Variants in FAM117B observed in about 807,000 individuals in gnomAD.
The protein encoded by FAM117B is family with sequence similarity 117 member B.
Under a neutral mutation model 52.8 loss-of-function variants are expected in FAM117B, and 22 were observed. That is an observed-to-expected ratio of 0.42 (90% CI 0.30 to 0.59). The LOEUF (loss-of-function observed/expected upper bound fraction) is 0.59. FAM117B is among the 20% of genes least tolerant of loss of function. FAM117B has a pLI of 0.22. For missense variants in FAM117B, 678 were observed against 802.6 expected, an observed-to-expected ratio of 0.84 and a Z score of 1.88; for synonymous variants, 309 against 324.1, an observed-to-expected ratio of 0.95 and a Z score of 0.50.
intron 2 of FAM117B, among the ~76,000 whole-genome samples, chr2:202,696,582 A>T (rs978462528): frequency 3.9e-5 from 6 of 152,214 alleles, no homozygotes; most frequent in Non-Finnish European, 8.8e-5. Flanking sequence ...GGTCTTAAAA[A>T]TTTGTAACAG....
chr2:202,735,036 A>AT (rs1691418271), intron 4 of FAM117B, among the ~76,000 whole-genome samples: 1 of 151,962 alleles, frequency 6.6e-6, no homozygotes, highest in Admixed American at 6.6e-5. Context: ...TGCATTCCTC[A>AT]TTGAGAGCAT....
At chr2:202,642,076 G>C (rs186073496) in intron 1 of FAM117B, among the ~76,000 whole-genome samples, 1 of 150,206 alleles carries the variant, frequency 6.7e-6, no homozygotes, top group Non-Finnish European at 1.5e-5. Context: ...CTGAGTAGCT[G>C]GACTACAGCC....
rs143686329 is a variant in FAM117B, at chr2:202,673,974, T to C, written c.602-21907T>C. On this transcript the variant is annotated intron_variant, in intron 1 of 7. Transcript: ENST00000392238. ...CCGCATAGCAATCTAGTGAGGCAGC[T>C]TCTTTTCAAACTTCTCTTTCTTTTC... Among the ~76,000 whole-genome samples the C allele has an allele frequency of 4.6e-3, 707 of 152,266 alleles. 6 individuals carry two copies. The highest frequency in any genetic ancestry group is 0.016 in the African/African-American group (672 of 41,536).
At chr2:202,666,988 T>C (rs1346233185) in intron 1 of FAM117B, among the ~76,000 whole-genome samples, 1 of 151,676 alleles carries the variant, frequency 6.6e-6, no homozygotes, top group Non-Finnish European at 1.5e-5. Context: ...CGAAAATCTG[T>C]GTTGTAGCAG....
intron 1 of FAM117B, among the ~76,000 whole-genome samples, chr2:202,657,402 T>TA (rs1382882178): frequency 6.6e-6 from 1 of 152,224 alleles, no homozygotes; most frequent in Non-Finnish European, 1.5e-5. Context: ...TTGTGTTTTT[T>TA]AAATCTAGTC....
At chr2:202,725,264 A>T (rs1663791677) in intron 3 of FAM117B, 5 of 274,992 alleles carry the variant, frequency 1.8e-5, no homozygotes, top group Non-Finnish European at 2.7e-5. Flanking sequence ...CATCAGATTT[A>T]AAAATTGTAA....
chr2:202,673,440 T>G (rs1057115164), intron 1 of FAM117B, among the ~76,000 whole-genome samples: 1 of 113,202 alleles, frequency 8.8e-6, no homozygotes, highest in African/African-American at 3.6e-5. Flanking sequence ...TCTGTTTTTT[T>G]TTTTTTTTTT....
intron 4 of FAM117B, among the ~76,000 whole-genome samples, chr2:202,737,762 C>T (rs1691464607): frequency 1.3e-5 from 2 of 152,028 alleles, no homozygotes; most frequent in African/African-American, 4.8e-5. Context: ...CCACCACGCC[C>T]AGCTAATTTT....
intron 1 of FAM117B, among the ~76,000 whole-genome samples, chr2:202,689,853 G>T (rs1469048513): frequency 6.6e-6 from 1 of 152,004 alleles, no homozygotes; most frequent in African/African-American, 2.4e-5. Context: ...AGGATGGTGA[G>T]GCTGCTGTGA....
chr2:202,650,517 A>G (rs1429071561), intron 1 of FAM117B, among the ~76,000 whole-genome samples: 1 of 152,290 alleles, frequency 6.6e-6, no homozygotes, highest in East Asian at 1.9e-4. Flanking sequence ...GGATAGATGT[A>G]TATATAAAGG....
At chr2:202,703,079 A>G (rs965525789) in intron 2 of FAM117B, among the ~76,000 whole-genome samples, 2 of 152,206 alleles carry the variant, frequency 1.3e-5, no homozygotes, top group Non-Finnish European at 2.9e-5. Context: ...ATTTAGTGGC[A>G]TTAATTACAT....
chr2:202,655,101 A>C (rs1246618484), intron 1 of FAM117B, among the ~76,000 whole-genome samples: 1 of 152,158 alleles, frequency 6.6e-6, no homozygotes, highest in African/African-American at 2.4e-5. Context: ...CTATAGTTTT[A>C]CTTTTTTCAG....
Position 202,766,689 on chromosome 2 carries a change from GAT to G in FAM117B, c.*938_*939del, listed in dbSNP as rs151141337. Reference sequence around the variant, plus strand: ...GTAAGGAGCCCCTTTGGTTTTCTGTGATATATATATATATCACACGCTCTCCC... The same window carrying G: ...GTAAGGAGCCCCTTTGGTTTTCTGTGATATATATATATCACACGCTCTCCC... On this transcript the variant is annotated 3_prime_UTR_variant, in exon 8 of 8. Coordinates refer to ENST00000392238, the MANE Select transcript of FAM117B (RefSeq NM_173511.4). 3.6e-4 allele frequency: 55 copies of G among 151,374 alleles called. No individual in the cohort carries two copies. Among genetic ancestry groups the G allele is most frequent in the African/African-American group, 1.2e-3 (50 of 41,244 alleles). The allele number at this position is 151,374 out of a possible 1,614,324, so 9.4% of individuals were successfully genotyped here.
At chr2:202,661,919 TAA>T (rs201631446) in intron 1 of FAM117B, among the ~76,000 whole-genome samples, 25 of 88,642 alleles carry the variant, frequency 2.8e-4, no homozygotes, top group Non-Finnish European at 2.7e-4. Context: ...AGATTCCATC[TAA>T]AAAAAAAAAA....
intron 1 of FAM117B, among the ~76,000 whole-genome samples, chr2:202,693,048 G>A (rs1207108515): frequency 6.6e-6 from 1 of 152,282 alleles, no homozygotes; most frequent in Middle Eastern, 3.4e-3. Flanking sequence ...GATTTGGCCT[G>A]TAGGCTGTAG....
chr2:202,738,096 A>G (rs1037962571), intron 4 of FAM117B, among the ~76,000 whole-genome samples: 4 of 152,068 alleles, frequency 2.6e-5, no homozygotes, highest in African/African-American at 4.8e-5. Context: ...TCATTTGCCT[A>G]TTTTCAAATG....
In FAM117B at chr2:202,769,145, T is replaced by A. The variant is rs538868224; in HGVS notation, c.*3381T>A. On this transcript the variant is annotated 3_prime_UTR_variant, in exon 8 of 8. Coordinates refer to ENST00000392238, the MANE Select transcript of FAM117B (RefSeq NM_173511.4). ...CAAATCAGTCTTTTAGAAGGTGCTC[T>A]TGCTAACTGTGGAATATTTGACGAC... 2.0e-5 allele frequency: 3 copies of A among 152,338 alleles called. No individual in the cohort carries two copies. The South Asian group carries it at 6.2e-4, about 32-fold the overall frequency. The allele number at this position is 152,338 out of a possible 1,614,324, so 9.4% of individuals were successfully genotyped here. A position where few individuals can be genotyped will look rare whatever the true frequency, so the allele number is the denominator to read the frequency against.
chr2:202,759,452 C>T (rs1574307169), intron 7 of FAM117B, 99 bp downstream of exon 7: 9 of 1,457,358 alleles, frequency 6.2e-6, no homozygotes, highest in East Asian at 4.8e-5. Context: ...TGCACTGATG[C>T]AGTCACAGGT....
chr2:202,701,138 T>C (rs573702958), intron 2 of FAM117B, among the ~76,000 whole-genome samples: 2 of 152,364 alleles, frequency 1.3e-5, no homozygotes, highest in Admixed American at 6.5e-5. Context: ...TGACTTTAAG[T>C]TGAAGCCAGT....
Sources: allele counts gnomAD v4.1 joint callset (sites outside exome capture counted in the v4.1 genomes callset), GRCh38; gene constraint gnomAD v4.1.1; transcripts MANE v1.5; gene names NCBI Gene and HGNC (gene_info 2026-07-23, HGNC 2026-07-21).